The following STK32B variants were observed in gnomAD, a reference collection of about 807,000 sequenced individuals.
The protein encoded by STK32B is serine/threonine-protein kinase 32B.
Under a neutral mutation model 52.6 loss-of-function variants are expected in STK32B, and 43 were observed. The observed-to-expected ratio is 0.82, with a 90% CI of 0.64 to 1.05. The LOEUF (loss-of-function observed/expected upper bound fraction) is 1.05. Among genes scored for constraint, STK32B ranks in the 50% least tolerant of loss-of-function variants. The pLI is 0.00. For synonymous variants in STK32B, 238 were observed against 204.3 expected (o/e 1.17, Z -1.41); for missense variants, 621 against 534.6 (o/e 1.16, Z -1.59).
chr4:5,359,244 C>G (rs1349573305), intron 4 of STK32B, among the ~76,000 whole-genome samples: 1 of 152,130 alleles, frequency 6.6e-6, no homozygotes. Flanking sequence ...ATGGAACTTG[C>G]TGTTCTATTC....
At chr4:5,475,216 T>G (rs891276964) in intron 11 of STK32B, among the ~76,000 whole-genome samples, 1 of 151,722 alleles carries the variant, frequency 6.6e-6, no homozygotes, top group Non-Finnish European at 1.5e-5. Flanking sequence ...GGTCAGGAGT[T>G]CAAGACCAGC....
At chr4:5,490,806 G>A (rs963186670) in intron 11 of STK32B, among the ~76,000 whole-genome samples, 3 of 151,998 alleles carry the variant, frequency 2.0e-5, no homozygotes, top group Admixed American at 6.6e-5. Context: ...TCCCAACTAC[G>A]AGTGAGAATA....
At chr4:5,157,817 C>G (rs1717984979) in intron 2 of STK32B, among the ~76,000 whole-genome samples, 1 of 152,208 alleles carries the variant, frequency 6.6e-6, no homozygotes, top group Non-Finnish European at 1.5e-5. Flanking sequence ...CCACATGACT[C>G]TGGTCAAGTT....
At chr4:5,373,795 T>C (rs150927732) in intron 4 of STK32B, among the ~76,000 whole-genome samples, 1 of 152,338 alleles carries the variant, frequency 6.6e-6, no homozygotes, top group East Asian at 1.9e-4. Flanking sequence ...GTGCTGTCTC[T>C]GCAATCTGAG....
chr4:5,461,285 C>A (rs1717006734), intron 9 of STK32B, among the ~76,000 whole-genome samples: 1 of 152,110 alleles, frequency 6.6e-6, no homozygotes, highest in African/African-American at 2.4e-5. Context: ...TGTTCCAGCC[C>A]CGTATTATGT....
chr4:5,490,316 A>G (rs569206160), intron 11 of STK32B, among the ~76,000 whole-genome samples: 5 of 152,184 alleles, frequency 3.3e-5, no homozygotes, highest in African/African-American at 1.2e-4. Flanking sequence ...CTTGTTGGCA[A>G]GGCTGGCCTT....
chr4:5,116,184 G>GCACACACACACACACA (rs146380270), intron 1 of STK32B, among the ~76,000 whole-genome samples: 37 of 149,144 alleles, frequency 2.5e-4, no homozygotes, highest in African/African-American at 8.1e-4. Flanking sequence ...GTGCATGCAC[G>GCACACACACACACACA]CACACACACA....
intron 3 of STK32B, among the ~76,000 whole-genome samples, chr4:5,246,828 T>C (rs1044315906): frequency 6.6e-6 from 1 of 152,224 alleles, no homozygotes; most frequent in African/African-American, 2.4e-5. Flanking sequence ...TGGAGTTTAC[T>C]GGAGGTCCAC....
intron 3 of STK32B, among the ~76,000 whole-genome samples, chr4:5,233,214 G>A (rs1724395210): frequency 6.6e-6 from 1 of 152,168 alleles, no homozygotes; most frequent in African/African-American, 2.4e-5. Flanking sequence ...GCAGTACCAA[G>A]ATTTTGAATT....
chr4:5,365,643 A>T (rs906207352), intron 4 of STK32B, among the ~76,000 whole-genome samples: 1 of 152,204 alleles, frequency 6.6e-6, no homozygotes, highest in African/African-American at 2.4e-5. Flanking sequence ...CACCAGTTGC[A>T]TGAAAGTACA....
intron 8 of STK32B, among the ~76,000 whole-genome samples, chr4:5,459,593 T>C (rs906421819): frequency 1.3e-5 from 2 of 152,172 alleles, no homozygotes; most frequent in African/African-American, 2.4e-5. Flanking sequence ...CCTCACTCCT[T>C]ATTAGCTGAA....
At chr4:5,134,162 G>A (rs555125265) in intron 1 of STK32B, among the ~76,000 whole-genome samples, 7 of 152,274 alleles carry the variant, frequency 4.6e-5, no homozygotes, top group African/African-American at 1.7e-4. Context: ...ATTGTGGAAG[G>A]GCATCGCAGG....
At chr4:5,313,994 C>T (rs1195068523) in intron 3 of STK32B, among the ~76,000 whole-genome samples, 2 of 151,998 alleles carry the variant, frequency 1.3e-5, no homozygotes, top group African/African-American at 4.8e-5. Context: ...GTAAAGATAA[C>T]AGTTGTCCTC....
intron 2 of STK32B, among the ~76,000 whole-genome samples, chr4:5,160,984 C>T (rs941149425): frequency 4.4e-4 from 67 of 152,080 alleles, no homozygotes; most frequent in African/African-American, 1.5e-3. Context: ...GAGCAGAGGT[C>T]GCTGTGGGGA....
intron 11 of STK32B, among the ~76,000 whole-genome samples, chr4:5,481,065 C>A (rs1718660754): frequency 6.6e-6 from 1 of 152,112 alleles, no homozygotes; most frequent in Non-Finnish European, 1.5e-5. Flanking sequence ...GTCTTTAAAG[C>A]AGCATGATTT....
chr4:5,319,014 G>C (rs1002978567), intron 3 of STK32B, among the ~76,000 whole-genome samples: 8 of 151,928 alleles, frequency 5.3e-5, no homozygotes, highest in Non-Finnish European at 7.4e-5. Flanking sequence ...CTGTGTTTGC[G>C]AGGATGGTCT....
At chr4:5,404,496 C>T (rs527741437) in intron 5 of STK32B, among the ~76,000 whole-genome samples, 1 of 152,100 alleles carries the variant, frequency 6.6e-6, no homozygotes, top group Non-Finnish European at 1.5e-5. Flanking sequence ...TATACATTTG[C>T]ATACAAATCA....
At chr4:5,031,416 G>C in the STK32B span, among the ~76,000 whole-genome samples, 1 of 152,056 alleles carries the variant, frequency 6.6e-6, no homozygotes, top group Admixed American at 6.5e-5. Context: ...GGGCAACATA[G>C]TAAGACATCA....
At chr4:5,277,427 G>A (rs73084039) in intron 3 of STK32B, among the ~76,000 whole-genome samples, 4,818 of 152,016 alleles carry the variant, frequency 0.032, 239 homozygotes, top group African/African-American at 0.1. Context: ...AAGTGTTAGA[G>A]CATGATAGTC....
Sources: allele counts gnomAD v4.1 joint callset (sites outside exome capture counted in the v4.1 genomes callset), GRCh38; gene constraint gnomAD v4.1.1; transcripts MANE v1.5; gene names NCBI Gene and HGNC (gene_info 2026-07-23, HGNC 2026-07-21).